The following IPO11 variants were observed in gnomAD, a reference collection of about 807,000 sequenced individuals.
The protein encoded by IPO11 is importin-11.
IPO11 carries 66 observed loss-of-function variants against 143.2 expected under a neutral mutation model. The ratio of observed to expected loss-of-function variants is 0.46; its 90% confidence interval spans 0.38 to 0.57. The LOEUF is 0.57. Ranked by LOEUF, IPO11 falls within the 20% of genes least tolerant of loss-of-function variation. IPO11 has a pLI of 0.00. For synonymous variants in IPO11, 385 were observed against 377.8 expected (o/e 1.02, Z -0.22); for missense variants, 1,026 against 1,141.0 (o/e 0.90, Z 1.45).
chr5:62,505,077 T>A (rs964217972), intron 18 of IPO11, among the ~76,000 whole-genome samples, 179 bp downstream of exon 18: 1 of 152,198 alleles, frequency 6.6e-6, no homozygotes, highest in Non-Finnish European at 1.5e-5. Context: ...TGGTAACTTT[T>A]ATTGCTAACA....
rs957940602 is a variant in IPO11, at chr5:62,438,361, A to T, written c.138+944A>T. Among the ~76,000 whole-genome samples, 3 of 152,176 alleles carry T rather than the reference A, an allele frequency of 2.0e-5. No individual in the cohort carries two copies. The East Asian group carries it at 5.8e-4, about 29-fold the overall frequency. Reference sequence around the variant, plus strand: ...CAGTAACAGAATCGTAAAAAAAAAAAGATTGATTTTAAAAGATACTAAAGA... The same window carrying T: ...CAGTAACAGAATCGTAAAAAAAAAATGATTGATTTTAAAAGATACTAAAGA... On this transcript the variant is annotated intron_variant, in intron 2 of 29. Transcript: ENST00000325324.
In IPO11 at chr5:62,598,379, G is replaced by GTTTTCTTTCTTTCTTT; in HGVS notation, c.2679-3385_2679-3384insTTTTCTTTCTTTCTTT. ...ATGTGAAACGACCCATAAATTGTTT[G>GTTTTCTTTCTTTCTTT]CTTGCTTGCTTGCTTTCTTTCTTTC... On this transcript the variant is annotated intron_variant, in intron 28 of 29. Coordinates refer to ENST00000325324, the MANE Select transcript of IPO11 (RefSeq NM_016338.5). 4.1e-5 allele frequency among the ~76,000 whole-genome samples: 2 copies of GTTTTCTTTCTTTCTTT among 48,574 alleles called. 1 individual carries two copies. The highest frequency in any genetic ancestry group is 1.8e-4 in the African/African-American group (2 of 11,210). The allele number at this position is 48,574 out of a possible 152,430, so 31.9% of individuals were successfully genotyped here.
intron 1 of IPO11, among the ~76,000 whole-genome samples, chr5:62,418,465 A>G (rs1743379510): frequency 6.6e-6 from 1 of 152,196 alleles, no homozygotes; most frequent in Non-Finnish European, 1.5e-5. Context: ...CACATATCAT[A>G]TAGTTTAAAA....
chr5:62,505,963 G>A (rs1741542412), intron 18 of IPO11, among the ~76,000 whole-genome samples: 1 of 152,032 alleles, frequency 6.6e-6, no homozygotes, highest in East Asian at 1.9e-4. Context: ...AACAGACATA[G>A]CGTAGACAAT....
chr5:62,413,223 G>T (rs1743178264), intron 1 of IPO11, among the ~76,000 whole-genome samples: 1 of 152,220 alleles, frequency 6.6e-6, no homozygotes, highest in Non-Finnish European at 1.5e-5. Flanking sequence ...TCGTGACCGC[G>T]GTTGCGGACC....
At chr5:62,539,210 C>G (rs561350140) in intron 24 of IPO11, among the ~76,000 whole-genome samples, 89 of 152,190 alleles carry the variant, frequency 5.8e-4, no homozygotes, top group Non-Finnish European at 1.1e-3. Context: ...TTTGCAGGGC[C>G]TTGCTCTTTC....
intron 29 of IPO11, among the ~76,000 whole-genome samples, chr5:62,624,017 C>T (rs1414724125): frequency 1.3e-5 from 2 of 150,564 alleles, no homozygotes; most frequent in East Asian, 4.0e-4. Flanking sequence ...ACTGAGGGTT[C>T]CTCCCCCCAC....
intron 27 of IPO11, among the ~76,000 whole-genome samples, chr5:62,562,693 C>G (rs1743812863): frequency 1.3e-5 from 2 of 152,172 alleles, no homozygotes; most frequent in African/African-American, 4.8e-5. Context: ...AATTTTAGAG[C>G]ATACATATAC....
intron 9 of IPO11, among the ~76,000 whole-genome samples, chr5:62,479,798 T>A (rs530281238): frequency 2.6e-3 from 400 of 152,352 alleles, no homozygotes; most frequent in African/African-American, 9.1e-3. Flanking sequence ...TGATTTTTTC[T>A]TGTGATTTTG....
intron 27 of IPO11, chr5:62,579,011 TAATTG>T (rs1744433349): frequency 4.1e-6 from 1 of 242,066 alleles, no homozygotes; most frequent in Non-Finnish European, 8.2e-6. Flanking sequence ...ATTTAGAATT[TAATTG>T]TTCTGTAGTG....
chr5:62,582,494 T>G (rs1343935128), intron 27 of IPO11, among the ~76,000 whole-genome samples: 1 of 152,202 alleles, frequency 6.6e-6, no homozygotes, highest in East Asian at 1.9e-4. Context: ...TTATTAGATC[T>G]CCACATGGAA....
At chr5:62,437,866 A>T (rs1251608176) in intron 2 of IPO11, among the ~76,000 whole-genome samples, 3 of 152,170 alleles carry the variant, frequency 2.0e-5, no homozygotes, top group Non-Finnish European at 4.4e-5. Flanking sequence ...GACACAGCTG[A>T]TGTTTTCTTG....
At chr5:62,558,622 TATC>T (rs1743657755) in intron 26 of IPO11, among the ~76,000 whole-genome samples, 1 of 152,200 alleles carries the variant, frequency 6.6e-6, no homozygotes, top group Non-Finnish European at 1.5e-5. Context: ...AAAAGTAAAG[TATC>T]ATCATGAATT....
At chr5:62,608,512 T>A (rs1348857844) in intron 29 of IPO11, among the ~76,000 whole-genome samples, 1 of 152,206 alleles carries the variant, frequency 6.6e-6, no homozygotes, top group African/African-American at 2.4e-5. Context: ...TTGTCCTGTA[T>A]TCTCATTCTA....
chr5:62,532,502 C>T (rs972119793), intron 22 of IPO11, among the ~76,000 whole-genome samples: 1 of 152,064 alleles, frequency 6.6e-6, no homozygotes, highest in Non-Finnish European at 1.5e-5. Context: ...GGACTACAGG[C>T]ATGTGCCACC....
At chr5:62,525,440 T>G (rs1267744514) in intron 20 of IPO11, among the ~76,000 whole-genome samples, 1 of 151,476 alleles carries the variant, frequency 6.6e-6, no homozygotes, top group East Asian at 1.9e-4. Flanking sequence ...AGTGCAGTGG[T>G]GGGATCATAG....
At chr5:62,544,690 A>G (rs1273883446) in intron 24 of IPO11, among the ~76,000 whole-genome samples, 1 of 152,196 alleles carries the variant, frequency 6.6e-6, no homozygotes, top group Non-Finnish European at 1.5e-5. Context: ...ATGATTGTAT[A>G]TTTAGAAAAC....
At chr5:62,531,871 G>A (rs1742557242) in intron 22 of IPO11, among the ~76,000 whole-genome samples, 1 of 152,040 alleles carries the variant, frequency 6.6e-6, no homozygotes, top group Admixed American at 6.5e-5. Flanking sequence ...TTGTTATCTA[G>A]AGTCCCCATA....
chr5:62,561,347 G>T, intron 27 of IPO11, 90 bp downstream of exon 27: 1 of 644,678 alleles, frequency 1.6e-6, no homozygotes, highest in Non-Finnish European at 2.4e-6. Context: ...GTGTTGCTGG[G>T]CAGTGGTACT....
Sources: gnomAD v4.1 joint callset for allele counts (sites outside exome capture counted in the v4.1 genomes callset) on GRCh38, gnomAD v4.1.1 for gene constraint, MANE v1.5 for transcripts, NCBI Gene and HGNC (gene_info 2026-07-23, HGNC 2026-07-21) for gene names.